The following TEK variants were observed in gnomAD, a reference collection of about 807,000 sequenced individuals.
TEK encodes the protein TEK receptor tyrosine kinase.
A neutral mutation model predicts 131.8 loss-of-function variants in TEK; 43 were observed. That is an observed-to-expected ratio of 0.33 (90% confidence interval 0.26 to 0.42). The LOEUF (loss-of-function observed/expected upper bound fraction) is 0.42. Among genes scored for constraint, TEK ranks in the 10% least tolerant of loss-of-function variants. TEK has a pLI of 1.00. For missense variants in TEK, 1,162 were observed against 1,384.4 expected (o/e 0.84, Z 2.55); for synonymous variants, 580 against 491.6 (o/e 1.18, Z -2.38).
chr9:27,183,606 T>G lies in TEK; in HGVS notation c.1178T>G (p.Leu393Arg), dbSNP rs1482245810. ...MTLVKPDGTV[L>R]HPKDFNHTDH... ...CTGGTGAAGCCGGATGGGACAGTGC[T>G]CCATGTAAGAGCCATTCTTAATTTG... Residue 393 changes from leucine (L) to arginine (R), a missense_variant, in exon 8 of 23, where the codon CTC becomes CGC. Around this residue, in one of 6 missense-constraint regions of TEK, gnomAD observed 436 missense variants for 539.1 expected, o/e 0.81. Coordinates refer to ENST00000380036, the MANE Select transcript of TEK (RefSeq NM_000459.5). 6.2e-7 allele frequency: 1 copy of G among 1,613,698 alleles called. No homozygotes were observed.
chr9:27,149,502 T>A (rs1316108498), intron 1 of TEK, among the ~76,000 whole-genome samples: 1 of 152,226 alleles, frequency 6.6e-6, no homozygotes, highest in Non-Finnish European at 1.5e-5. Flanking sequence ...TCAGGCCTAC[T>A]AGGAAGGCTA....
Position 27,205,052 on chromosome 9 carries a change from C to T in TEK, c.2351C>T (p.Ala784Val), listed in dbSNP as rs1322241171. 4 of 1,613,808 alleles carry T rather than the reference C, an allele frequency of 2.5e-6. No individual in the cohort carries two copies. Among genetic ancestry groups the T allele is most frequent in the Non-Finnish European group, 2.5e-6 (3 of 1,179,890 alleles). The change falls in exon 14 of 23, where the codon GCC (alanine) becomes GTC (valine). Residue 784 changes from alanine (A) to valine (V), a missense_variant. Coordinates refer to ENST00000380036, the MANE Select transcript of TEK (RefSeq NM_000459.5). ...RANVQRRMAQ[A>V]FQNVREEPAV... The stretch of plus-strand genomic sequence containing the variant: ...AATGTGCAAAGGAGAATGGCCCAAG[C>T]CTTCCAAAACGTGGTAGTGTCTCAT...
chr9:27,183,939 C>T (rs141435340), intron 8 of TEK, among the ~76,000 whole-genome samples: 2 of 152,302 alleles, frequency 1.3e-5, no homozygotes, highest in African/African-American at 2.4e-5. Context: ...GCTTTGCTCT[C>T]GCAGTGTCCC....
chr9:27,140,166 C>T (rs988004690), intron 1 of TEK, among the ~76,000 whole-genome samples: 18 of 152,056 alleles, frequency 1.2e-4, no homozygotes, highest in African/African-American at 4.3e-4. Flanking sequence ...AATTCTTGAT[C>T]GAAAACATGT....
rs533676434 is a variant in TEK, at chr9:27,167,342, C to T, written c.365-1153C>T. Among the ~76,000 whole-genome samples the T allele has an allele frequency of 2.0e-5, 3 of 152,272 alleles. No individual in the cohort carries two copies. In the South Asian group the frequency reaches 6.2e-4, roughly 32 times the overall value. On this transcript the variant is annotated intron_variant, in intron 2 of 22. Coordinates refer to ENST00000380036, the MANE Select transcript of TEK (RefSeq NM_000459.5). ...TCCCGGATTCAAGCAATTCTCCTAC[C>T]TCAGCCTCCCGAGTAGCTGGAATTA...
intron 18 of TEK, among the ~76,000 whole-genome samples, chr9:27,215,000 G>A (rs183536702): frequency 2.0e-5 from 3 of 152,234 alleles, no homozygotes; most frequent in Non-Finnish European, 2.9e-5. Context: ...TCACCACCTG[G>A]TGTCCTCAAA....
At chr9:27,164,826 G>A (rs575137436) in intron 2 of TEK, among the ~76,000 whole-genome samples, 44 of 152,200 alleles carry the variant, frequency 2.9e-4, no homozygotes, top group East Asian at 2.7e-3. Flanking sequence ...ATGAGCCACC[G>A]CCCCCAGGTT....
chr9:27,223,536 G>A (rs563385474), intron 21 of TEK, among the ~76,000 whole-genome samples: 33 of 152,278 alleles, frequency 2.2e-4, no homozygotes, highest in African/African-American at 7.7e-4. Flanking sequence ...ATAACGAAAT[G>A]AAGGCAGAAA....
intron 1 of TEK, among the ~76,000 whole-genome samples, chr9:27,143,212 A>G (rs1406408122): frequency 6.6e-6 from 1 of 152,170 alleles, no homozygotes; most frequent in Admixed American, 6.5e-5. Flanking sequence ...GGTGATTGAA[A>G]CTAGAGAGAG....
chr9:27,203,007 C>T lies in TEK; in HGVS notation c.2097C>T (p.Leu699=). The T allele has an allele frequency of 1.2e-6, 2 of 1,614,092 alleles. No homozygotes were observed. The highest frequency in any genetic ancestry group is 2.2e-5 in the East Asian group (1 of 44,874). ...ATGCCACCATCACTCAGTATCAGCT[C>T]AAGGGCCTAGAGCCTGAAACAGCAT... is the stretch of plus-strand genomic sequence containing the variant. ...IKNATITQYQ[L]KGLEPETAYQ... Residue 699 remains leucine, a synonymous_variant, in exon 13 of 23, where the codon CTC becomes CTT. Transcript: ENST00000380036.
intron 1 of TEK, among the ~76,000 whole-genome samples, chr9:27,121,453 T>A (rs184733511): frequency 0.81 from 120,189 of 148,740 alleles, 48,730 homozygotes; most frequent in East Asian, 0.94. Context: ...CATAAATAAA[T>A]TTTTTTTTTA....
chr9:27,141,713 G>A (rs1184563119), intron 1 of TEK, among the ~76,000 whole-genome samples: 1 of 152,058 alleles, frequency 6.6e-6, no homozygotes, highest in African/African-American at 2.4e-5. Flanking sequence ...AGACTGACAA[G>A]GATGCTAGTC....
At chr9:27,168,362 C>G (rs1823817810) in intron 2 of TEK, 133 bp from the exon 3 acceptor site, 1 of 713,000 alleles carries the variant, frequency 1.4e-6, no homozygotes, top group Admixed American at 2.1e-5. Flanking sequence ...TTAGCCACCA[C>G]TGTTTTTCAC....
At chr9:27,135,507 T>C (rs941331286) in intron 1 of TEK, among the ~76,000 whole-genome samples, 1 of 152,204 alleles carries the variant, frequency 6.6e-6, no homozygotes, top group Non-Finnish European at 1.5e-5. Context: ...TTTGTAATCA[T>C]TTATTGAATA....
At chr9:27,205,471 T>G (rs980800045) in intron 14 of TEK, among the ~76,000 whole-genome samples, 2 of 152,160 alleles carry the variant, frequency 1.3e-5, no homozygotes. Context: ...TAGACAAGTT[T>G]TCCTCACATT....
At chr9:27,225,376 T>C (rs1010803102) in intron 21 of TEK, among the ~76,000 whole-genome samples, 1 of 152,192 alleles carries the variant, frequency 6.6e-6, no homozygotes, top group African/African-American at 2.4e-5. Flanking sequence ...AGGATGGTAC[T>C]GGTACTAAAA....
At position 27,196,054 on chromosome 9, in the gene TEK, G is replaced by A. The variant is rs529415048; in HGVS notation, c.1625-1261G>A. On this transcript the variant is annotated intron_variant, in intron 11 of 22. Transcript: ENST00000380036. ...GTATGATTTCTGAAAATCTTGCTAA[G>A]GGGAAGGAACCCCTAAATTGCTTTA... 8.3e-4 allele frequency among the ~76,000 whole-genome samples: 126 copies of A among 152,260 alleles called. 6 individuals are homozygous for A. The South Asian group carries it at 0.026, about 31-fold the overall frequency.
In TEK at chr9:27,168,566, G is replaced by C. The variant is rs894186550; in HGVS notation, c.436G>C (p.Val146Leu). ...TAACGTGAACATATCTTTCAAAAAG[G>C]TATTGATTAAAGAAGAAGATGCAGT... is the stretch of plus-strand genomic sequence containing the variant. ...GDNVNISFKK[V>L]LIKEEDAVIY... The change falls in exon 3 of 23, where the codon GTA (valine) becomes CTA (leucine). Residue 146 changes from valine (V) to leucine (L), a missense_variant. Around this residue, in one of 6 missense-constraint regions of TEK, gnomAD observed 436 missense variants for 539.1 expected, o/e 0.81. Transcript: ENST00000380036. 2 of 1,613,824 alleles carry C rather than the reference G, an allele frequency of 1.2e-6. No homozygotes were observed. The highest frequency in any genetic ancestry group is 1.6e-4 in the Middle Eastern group (1 of 6,062).
chr9:27,226,479 G>T (rs993472664), intron 21 of TEK, among the ~76,000 whole-genome samples: 3 of 152,030 alleles, frequency 2.0e-5, no homozygotes, highest in African/African-American at 7.3e-5. Flanking sequence ...ACTAGCACAA[G>T]AACAGAAGAC....
Sources: allele counts gnomAD v4.1 joint callset (sites outside exome capture counted in the v4.1 genomes callset), GRCh38; gene constraint gnomAD v4.1.1; regional missense constraint gnomAD v4.1.1; transcripts MANE v1.5; gene names NCBI Gene and HGNC (gene_info 2026-07-23, HGNC 2026-07-21).